The following KLHDC4 variants were observed in gnomAD, a reference collection of about 807,000 sequenced individuals.
KLHDC4 encodes kelch domain containing 4, also known as kelch domain-containing protein 4.
Under a neutral mutation model 62.4 loss-of-function variants are expected in KLHDC4, and 90 were observed. That is an observed-to-expected ratio of 1.44 (90% confidence interval 1.22 to 1.72). The LOEUF is 1.72. KLHDC4 is among the 40% of genes most tolerant of loss of function. The probability of loss-of-function intolerance (pLI) is 0.00; values close to 1 mark genes in which losing one functional copy is unlikely to be tolerated. For synonymous variants in KLHDC4, 386 were observed against 284.4 expected, an observed-to-expected ratio of 1.36 and a Z score of -3.59; for missense variants, 1,025 against 699.7, an observed-to-expected ratio of 1.47 and a Z score of -5.25.
Position 87,765,926 on chromosome 16 carries a change from A to G in KLHDC4, c.-36T>C, listed in dbSNP as rs1474285092. 6 of 1,541,246 alleles carry G rather than the reference A, an allele frequency of 3.9e-6. No homozygotes were observed. The Admixed American group carries it at 7.9e-5, about 20-fold the overall frequency. On this transcript the variant is annotated 5_prime_UTR_variant, in exon 1 of 12. Coordinates refer to ENST00000270583, the MANE Select transcript of KLHDC4 (RefSeq NM_017566.4). The stretch of plus-strand genomic sequence containing the variant: ...CCCAAGCCGCGACGGGACACCAGGA[A>G]AGAAAACGGCCCGCGCTCTCCGCTC...
intron 5 of KLHDC4, among the ~76,000 whole-genome samples, chr16:87,748,262 C>T (rs1392666693): frequency 6.6e-6 from 1 of 152,100 alleles, no homozygotes; most frequent in African/African-American, 2.4e-5. Flanking sequence ...ATACCAGCTC[C>T]ACGGTTTCTA....
chr16:87,749,899 TAATAA>T (rs1462059169), intron 4 of KLHDC4, among the ~76,000 whole-genome samples: 4 of 152,150 alleles, frequency 2.6e-5, no homozygotes, highest in African/African-American at 9.7e-5. Context: ...TATGAATGAT[TAATAA>T]AGACTCAGCA....
chr16:87,709,750 G>T (rs1340124358), intron 9 of KLHDC4, 83 bp from the exon 10 acceptor site: 1 of 1,427,556 alleles, frequency 7.0e-7, no homozygotes. Flanking sequence ...GCCAGGCAAG[G>T]GTTTGCGGGG....
chr16:87,724,808 G>A (rs1463553359), intron 7 of KLHDC4, among the ~76,000 whole-genome samples: 2 of 152,086 alleles, frequency 1.3e-5, no homozygotes, highest in Non-Finnish European at 2.9e-5. Context: ...CCCACCCCAG[G>A]GCCCAGCAGC....
At chr16:87,733,590 C>G (rs1349435992) in intron 5 of KLHDC4, among the ~76,000 whole-genome samples, 1 of 151,540 alleles carries the variant, frequency 6.6e-6, no homozygotes, top group South Asian at 2.1e-4. Context: ...TGACCTGCCT[C>G]GCCTCCTACT....
chr16:87,748,445 C>A (rs915067488), intron 5 of KLHDC4, among the ~76,000 whole-genome samples: 5 of 152,308 alleles, frequency 3.3e-5, no homozygotes, highest in African/African-American at 1.2e-4. Flanking sequence ...CAAGAGGAAC[C>A]TGGAGAACAA....
chr16:87,721,145 G>A (rs531467741), intron 7 of KLHDC4, among the ~76,000 whole-genome samples: 12 of 152,214 alleles, frequency 7.9e-5, no homozygotes, highest in South Asian at 6.2e-4. Context: ...AGAAGGCCGG[G>A]CATAGTGGCT....
At chr16:87,718,284 G>C (rs1252470220) in intron 7 of KLHDC4, among the ~76,000 whole-genome samples, 6 of 128,748 alleles carry the variant, frequency 4.7e-5, no homozygotes, top group African/African-American at 1.2e-4. Context: ...ATTCGCTCTC[G>C]CTCTCCCTCT....
Position 87,748,762 on chromosome 16 carries a change from C to T in KLHDC4, c.417G>A (p.Gly139=), listed in dbSNP as rs1379440690. The T allele has an allele frequency of 6.2e-7, 1 of 1,613,264 alleles. No individual in the cohort carries two copies. The highest frequency in any genetic ancestry group is 1.3e-5 in the African/African-American group (1 of 74,644). Residue 139 remains glycine (G), a synonymous_variant, in exon 5 of 12, where the codon GGG becomes GGA. Coordinates refer to ENST00000270583, the MANE Select transcript of KLHDC4 (RefSeq NM_017566.4). ...QGGGQLWVFG[G]EFASPNGEQF... is the part of the protein sequence containing the mutation. The stretch of plus-strand genomic sequence containing the variant: ...GCTCTCCGTTGGGAGAGGCAAACTC[C>T]CCTCCAAAGACCCACAGCTGTCCGC...
chr16:87,733,711 C>T (rs1006385759), intron 5 of KLHDC4, among the ~76,000 whole-genome samples: 7 of 136,248 alleles, frequency 5.1e-5, no homozygotes, highest in African/African-American at 2.1e-4. Flanking sequence ...CTTAGGAATC[C>T]ACTCCCTGGG....
rs1230934763 is a variant in KLHDC4 at position 87,749,449 on chromosome 16, G to T, written c.370-640C>A. ...TGCACCTGTAGTCCCAGCTGCTTGG[G>T]AGGCTAAGGCAGAAGAATCGCTTGA... On this transcript the variant is annotated intron_variant, in intron 4 of 11. Transcript: ENST00000270583. Among the ~76,000 whole-genome samples the T allele has an allele frequency of 8.6e-5, 13 of 151,222 alleles. No individual in the cohort carries two copies. The Admixed American group carries it at 8.6e-4, about 10-fold the overall frequency.
intron 7 of KLHDC4, among the ~76,000 whole-genome samples, chr16:87,721,221 C>G (rs1269381591): frequency 1.3e-5 from 2 of 152,070 alleles, no homozygotes. Context: ...GAGATCGAGA[C>G]CATCCTGGCT....
chr16:87,725,931 G>A (rs1340912546), intron 7 of KLHDC4, among the ~76,000 whole-genome samples: 1 of 152,084 alleles, frequency 6.6e-6, no homozygotes, highest in African/African-American at 2.4e-5. Flanking sequence ...AGTAGTGAGC[G>A]TCCATGGTGC....
At chr16:87,762,127 T>G (rs1293837724) in intron 1 of KLHDC4, 87 bp from the exon 2 acceptor site, 1 of 1,571,114 alleles carries the variant, frequency 6.4e-7, no homozygotes, top group Non-Finnish European at 8.6e-7. Flanking sequence ...CCAATCAGTG[T>G]GATTCGACTG....
intron 7 of KLHDC4, among the ~76,000 whole-genome samples, chr16:87,718,353 CCTCCCT>C (rs1217441429): frequency 1.0e-5 from 1 of 100,204 alleles, no homozygotes; most frequent in African/African-American, 3.8e-5. Flanking sequence ...TCCCCCTCCC[CCTCCCT>C]CTCCCTCCAC....
chr16:87,716,615 G>C (rs540301709), intron 7 of KLHDC4, among the ~76,000 whole-genome samples: 60 of 152,250 alleles, frequency 3.9e-4, no homozygotes, highest in African/African-American at 1.3e-3. Flanking sequence ...GGTTCCCTTT[G>C]TTGGAGAATA....
intron 4 of KLHDC4, among the ~76,000 whole-genome samples, chr16:87,749,700 C>A (rs919093659): frequency 6.6e-6 from 1 of 152,202 alleles, no homozygotes; most frequent in African/African-American, 2.4e-5. Context: ...CCTCCCACTT[C>A]AGCCTCCTGA....
chr16:87,753,943 T>C lies in KLHDC4; in HGVS notation c.369+1251A>G, dbSNP rs185646402. Reference sequence around the variant, plus strand: ...AGATGAGATCACACCATTGTACTCTTACCTGGGTGACAGCAAGACACCATC... The same window carrying C: ...AGATGAGATCACACCATTGTACTCTCACCTGGGTGACAGCAAGACACCATC... On this transcript the variant is annotated intron_variant, in intron 4 of 11. Transcript: ENST00000270583. Among the ~76,000 whole-genome samples, 608 of 137,746 alleles carry C rather than the reference T, an allele frequency of 4.4e-3. 2 individuals are homozygous for C. The highest frequency in any genetic ancestry group is 0.016 in the African/African-American group (576 of 35,838). 90.4% of individuals were successfully genotyped at this position (137,746 alleles called of 152,430 possible).
intron 5 of KLHDC4, among the ~76,000 whole-genome samples, chr16:87,744,580 C>CAAAAAA (rs754549811): frequency 7.3e-6 from 1 of 136,972 alleles, no homozygotes; most frequent in Non-Finnish European, 1.6e-5. Context: ...TAGACTGTCT[C>CAAAAAA]AGAAAAAAAA....
Sources: gnomAD v4.1 joint callset for allele counts (sites outside exome capture counted in the v4.1 genomes callset) on GRCh38, gnomAD v4.1.1 for gene constraint, MANE v1.5 for transcripts, NCBI Gene and HGNC (gene_info 2026-07-23, HGNC 2026-07-21) for gene names.